SLC25A17: variants seen among roughly 807,000 people sequenced by gnomAD.
The protein encoded by SLC25A17 is solute carrier family 25 member 17, also known as peroxisomal membrane protein PMP34.
SLC25A17 carries 26 observed loss-of-function variants against 38.5 expected under a neutral mutation model. That is an observed-to-expected ratio of 0.68 (90% CI 0.50 to 0.94). SLC25A17 has a LOEUF of 0.94. SLC25A17 is among the 40% of genes least tolerant of loss of function. The pLI is 0.00. For synonymous variants in SLC25A17, 139 were observed against 136.2 expected, an observed-to-expected ratio of 1.02 and a Z score of -0.14; for missense variants, 333 against 372.7, an observed-to-expected ratio of 0.89 and a Z score of 0.88.
intron 4 of SLC25A17, among the ~76,000 whole-genome samples, chr22:40,790,820 C>T (rs2057379129): frequency 6.6e-6 from 1 of 152,150 alleles, no homozygotes; most frequent in African/African-American, 2.4e-5. Context: ...TACATATAAA[C>T]TAATCTAAAA....
chr22:40,803,320 T>A (rs994063586), intron 1 of SLC25A17, among the ~76,000 whole-genome samples: 1 of 152,146 alleles, frequency 6.6e-6, no homozygotes, highest in African/African-American at 2.4e-5. Flanking sequence ...CTTCCTACCA[T>A]CTCTAGCCCC....
rs553000868 is a variant in SLC25A17 at position 40,786,989 on chromosome 22, G to A, written c.334+5536C>T. ...TGGAAATAACAAAAATGTAATCTCT[G>A]CCTTTAAGGAGCTTACTGTCTAGCA... On this transcript the variant is annotated intron_variant, in intron 4 of 8. Transcript: ENST00000435456. 1.2e-4 allele frequency among the ~76,000 whole-genome samples: 18 copies of A among 152,292 alleles called. No individual in the cohort carries two copies. The South Asian group carries it at 3.5e-3, about 30-fold the overall frequency.
At chr22:40,788,819 AT>A in intron 4 of SLC25A17, 1 of 236,736 alleles carries the variant, frequency 4.2e-6, no homozygotes. Context: ...CCTGGAAGAA[AT>A]TATCTTCTTT....
At chr22:40,788,702 A>C (rs531926539) in intron 4 of SLC25A17, 15 of 220,356 alleles carry the variant, frequency 6.8e-5, no homozygotes, top group Non-Finnish European at 1.0e-4. Context: ...AAAACTTAAA[A>C]TAAAATAAAA....
intron 1 of SLC25A17, among the ~76,000 whole-genome samples, chr22:40,811,282 G>A (rs929458553): frequency 1.3e-5 from 2 of 149,634 alleles, no homozygotes; most frequent in Non-Finnish European, 3.0e-5. Flanking sequence ...GTAGAGATGC[G>A]GTTTCACTGT....
chr22:40,792,558 T>A lies in SLC25A17; in HGVS notation c.301A>T (p.Thr101Ser). The A allele has an allele frequency of 1.2e-6, 2 of 1,613,436 alleles. No homozygotes were observed. Among genetic ancestry groups the A allele is most frequent in the Non-Finnish European group, 1.7e-6 (2 of 1,179,634 alleles). Residue 101 changes from threonine (T) to serine (S), a missense_variant, in exon 4 of 9, where the codon ACT (threonine) becomes TCT (serine). Thr to Ser is a moderately conservative substitution (Grantham distance 58). Coordinates refer to ENST00000435456, the MANE Select transcript of SLC25A17 (RefSeq NM_006358.4). ...AACCCAACTACCAGATCTTTTCCAG[T>A]GGTAGAATGTTGACCTTTGACCCAG... ...ALWVKGQHST[T>S]GKDLVVGFVA...
At chr22:40,771,026 C>A (rs1569396698) in intron 8 of SLC25A17, 45 bp from the exon 9 acceptor site, 2 of 1,490,790 alleles carry the variant, frequency 1.3e-6, no homozygotes, top group East Asian at 2.4e-5. Flanking sequence ...GCTCCTGCAT[C>A]AGAGAACATG....
At chr22:40,794,774 C>T (rs2057413712) in intron 2 of SLC25A17, among the ~76,000 whole-genome samples, 194 bp from the exon 3 acceptor site, 1 of 152,094 alleles carries the variant, frequency 6.6e-6, no homozygotes, top group Non-Finnish European at 1.5e-5. Flanking sequence ...TGCACACCAC[C>T]ATGCCCAGCT....
chr22:40,819,065 C>A lies in SLC25A17; in HGVS notation c.54+130G>T, dbSNP rs747805572. The A allele has an allele frequency of 4.4e-5, 43 of 978,856 alleles. No individual in the cohort carries two copies. The African/African-American group carries it at 6.0e-4, about 14-fold the overall frequency. 60.6% of individuals were successfully genotyped at this position (978,856 alleles called of 1,614,324 possible). A position where few individuals can be genotyped will look rare whatever the true frequency, so the allele number is the denominator to read the frequency against. The stretch of plus-strand genomic sequence containing the variant: ...CGCCAATGGCCCATTCCTCTCTGCC[C>A]CACAGTCATGACAGTGGACCCCAAC... On this transcript the variant is annotated intron_variant, in intron 1 of 8. Coordinates refer to ENST00000435456, the MANE Select transcript of SLC25A17 (RefSeq NM_006358.4).
chr22:40,811,342 C>T (rs2057579189), intron 1 of SLC25A17, among the ~76,000 whole-genome samples: 1 of 151,764 alleles, frequency 6.6e-6, no homozygotes, highest in Non-Finnish European at 1.5e-5. Flanking sequence ...CTACCCGTCT[C>T]AGACTCCCGA....
intron 1 of SLC25A17, among the ~76,000 whole-genome samples, chr22:40,816,372 ATC>A (rs978061168): frequency 6.6e-6 from 1 of 152,078 alleles, no homozygotes; most frequent in Non-Finnish European, 1.5e-5. Flanking sequence ...CCAATCTAAT[ATC>A]TGTTTTTGAA....
At chr22:40,818,487 TC>T (rs1010901437) in intron 1 of SLC25A17, among the ~76,000 whole-genome samples, 8 of 151,872 alleles carry the variant, frequency 5.3e-5, no homozygotes, top group Non-Finnish European at 1.0e-4. Context: ...ATCGAGAGGA[TC>T]GTTTGAGGCC....
At chr22:40,790,086 T>G (rs2145671679) in intron 4 of SLC25A17, among the ~76,000 whole-genome samples, 2 of 149,802 alleles carry the variant, frequency 1.3e-5, no homozygotes, top group African/African-American at 4.9e-5. Flanking sequence ...ACGCCTGTAA[T>G]CCCAGCACTT....
chr22:40,775,988 C>A (rs1216926133), intron 7 of SLC25A17, among the ~76,000 whole-genome samples: 1 of 152,200 alleles, frequency 6.6e-6, no homozygotes, highest in Non-Finnish European at 1.5e-5. Flanking sequence ...TCATGCTCCC[C>A]CTGCCTGGAA....
At chr22:40,803,763 CAACAGTG>C (rs902820127) in intron 1 of SLC25A17, among the ~76,000 whole-genome samples, 74 of 151,582 alleles carry the variant, frequency 4.9e-4, no homozygotes, top group African/African-American at 1.8e-3. Context: ...ACATTCCCAT[CAACAGTG>C]TGCAAGAGTT....
rs1178323210 is a variant in SLC25A17, at chr22:40,770,626, C to T, written c.*208G>A. On this transcript the variant is annotated 3_prime_UTR_variant, in exon 9 of 9. Coordinates refer to ENST00000435456, the MANE Select transcript of SLC25A17 (RefSeq NM_006358.4). ...TGTTTTTTTCACATTAGTCCAACTG[C>T]CACCCCAAAATCCAACCAGCCAGCA... 10 of 394,996 alleles carry T rather than the reference C, an allele frequency of 2.5e-5. No individual in the cohort carries two copies. The highest frequency in any genetic ancestry group is 8.7e-5 in the Admixed American group (2 of 22,864). The allele number at this position is 394,996 out of a possible 1,614,324, so 24.5% of individuals were successfully genotyped here. A position where few individuals can be genotyped will look rare whatever the true frequency, so the allele number is the denominator to read the frequency against.
intron 4 of SLC25A17, among the ~76,000 whole-genome samples, chr22:40,786,288 G>C (rs2057337155): frequency 6.6e-6 from 1 of 151,724 alleles, no homozygotes; most frequent in Non-Finnish European, 1.5e-5. Context: ...TCCAGCCTGG[G>C]TGACAAAGTG....
chr22:40,782,282 C>T (rs546229979), intron 4 of SLC25A17, among the ~76,000 whole-genome samples: 210 of 152,298 alleles, frequency 1.4e-3, no homozygotes, highest in Non-Finnish European at 1.4e-3. Flanking sequence ...GTGGATGCTA[C>T]TTCCGCTCTA....
At chr22:40,777,457 C>T in intron 5 of SLC25A17, 84 bp from the exon 6 acceptor site, 2 of 1,426,856 alleles carry the variant, frequency 1.4e-6, no homozygotes, top group Non-Finnish European at 1.9e-6. Flanking sequence ...TTGAAATGTA[C>T]CCAGAACACA....
Sources: gnomAD v4.1 joint callset for allele counts (sites outside exome capture counted in the v4.1 genomes callset) on GRCh38, gnomAD v4.1.1 for gene constraint, MANE v1.5 for transcripts, NCBI Gene and HGNC (gene_info 2026-07-23, HGNC 2026-07-21) for gene names.